BRD10: variants seen among roughly 807,000 people sequenced by gnomAD.
BRD10 encodes uncharacterized bromodomain-containing protein 10.
chr9:5,995,180 C>T, the BRD10 span, among the ~76,000 whole-genome samples: 9 of 152,312 alleles, frequency 5.9e-5, no homozygotes, highest in East Asian at 3.9e-4. Context: ...GGATTAGAGG[C>T]GTGAGCCACC....
the BRD10 span, among the ~76,000 whole-genome samples, chr9:5,993,156 T>C: frequency 1.3e-5 from 2 of 151,272 alleles, no homozygotes; most frequent in Admixed American, 6.6e-5. Flanking sequence ...TCTCTACTAA[T>C]AATAAAAAAT....
chr9:5,986,593 G>C, the BRD10 span, among the ~76,000 whole-genome samples: 1 of 152,264 alleles, frequency 6.6e-6, no homozygotes, highest in East Asian at 1.9e-4. Flanking sequence ...CAGTGTAAAA[G>C]CCTTCCTACT....
At chr9:5,914,727 C>A in the BRD10 span, among the ~76,000 whole-genome samples, 28,853 of 151,806 alleles carry the variant, frequency 0.19, 2,941 homozygotes, top group Middle Eastern at 0.3. Context: ...CTGGCCAAAT[C>A]TAGATGGTTT....
the BRD10 span, chr9:5,988,438 C>G: frequency 2.5e-6 from 4 of 1,613,930 alleles, no homozygotes; most frequent in Admixed American, 1.7e-5. Flanking sequence ...TGCCAAACTT[C>G]GCGGTGTTGA....
chr9:5,996,716 C>T, the BRD10 span, among the ~76,000 whole-genome samples: 1 of 152,150 alleles, frequency 6.6e-6, no homozygotes, highest in Non-Finnish European at 1.5e-5. Flanking sequence ...AAGGCAAATG[C>T]AAAGTTTTTA....
At chr9:5,914,967 A>C in the BRD10 span, among the ~76,000 whole-genome samples, 2 of 152,172 alleles carry the variant, frequency 1.3e-5, no homozygotes, top group Non-Finnish European at 2.9e-5. Flanking sequence ...GGTTTAATAA[A>C]GAGAACCCCG....
At chr9:5,900,999 G>A in the BRD10 span, among the ~76,000 whole-genome samples, 15 of 152,218 alleles carry the variant, frequency 9.9e-5, no homozygotes, top group African/African-American at 3.1e-4. Flanking sequence ...GGCAGATTCT[G>A]GGATCATCTC....
the BRD10 span, chr9:5,923,086 C>T: frequency 4.3e-6 from 7 of 1,613,864 alleles, no homozygotes; most frequent in African/African-American, 1.3e-5. Context: ...AACAGTCAAT[C>T]TGCACATCAC....
the BRD10 span, among the ~76,000 whole-genome samples, chr9:5,929,513 G>A: frequency 6.6e-6 from 1 of 152,142 alleles, no homozygotes. Flanking sequence ...GGTCATTTCA[G>A]TAAAGTTACT....
the BRD10 span, among the ~76,000 whole-genome samples, chr9:5,913,367 T>C: frequency 6.6e-6 from 1 of 152,198 alleles, no homozygotes; most frequent in East Asian, 1.9e-4. Flanking sequence ...AACAGTTACA[T>C]GATGATGCAT....
At chr9:6,008,019 G>C in the BRD10 span, 8 of 1,214,040 alleles carry the variant, frequency 6.6e-6, no homozygotes, top group Non-Finnish European at 8.2e-6. Context: ...GGAGAGCCTA[G>C]GTGCCCTCCT....
chr9:5,967,980 A>G, the BRD10 span: 2 of 1,260,476 alleles, frequency 1.6e-6, no homozygotes, highest in Non-Finnish European at 2.2e-6. Flanking sequence ...AATTTGAATT[A>G]TACTTAAATA....
chr9:5,984,339 G>A, the BRD10 span, among the ~76,000 whole-genome samples: 1 of 152,210 alleles, frequency 6.6e-6, no homozygotes. Flanking sequence ...AATGAAAAAT[G>A]GTATACAGAG....
the BRD10 span, among the ~76,000 whole-genome samples, chr9:5,933,129 G>A: frequency 6.6e-6 from 1 of 152,230 alleles, no homozygotes; most frequent in Non-Finnish European, 1.5e-5. Context: ...GCAGTGCTAT[G>A]ACTTTCTCTA....
At chr9:5,942,077 A>G in the BRD10 span, among the ~76,000 whole-genome samples, 1 of 152,256 alleles carries the variant, frequency 6.6e-6, no homozygotes, top group East Asian at 1.9e-4. Context: ...ATTATCATAG[A>G]TAATGAATGT....
the BRD10 span, among the ~76,000 whole-genome samples, chr9:5,981,590 C>T: frequency 6.6e-6 from 1 of 152,110 alleles, no homozygotes; most frequent in African/African-American, 2.4e-5. Context: ...ATCTATTTAT[C>T]ATCAATTAAT....
the BRD10 span, chr9:5,969,051 C>A: frequency 6.2e-7 from 1 of 1,612,722 alleles, no homozygotes; most frequent in Non-Finnish European, 8.5e-7. Flanking sequence ...AGTTTTTCAG[C>A]ACAGTTATCA....
chr9:5,879,034 C>T, the BRD10 span, among the ~76,000 whole-genome samples: 2 of 152,210 alleles, frequency 1.3e-5, no homozygotes, highest in Non-Finnish European at 2.9e-5. Context: ...TTACTCTCTG[C>T]TGTTGCCATC....
chr9:6,001,574 T>C, the BRD10 span, among the ~76,000 whole-genome samples: 1 of 152,224 alleles, frequency 6.6e-6, no homozygotes, highest in Admixed American at 6.5e-5. Flanking sequence ...TGTTTACCTA[T>C]CACCTTGAAG....
Sources: gnomAD v4.1 joint callset for allele counts (sites outside exome capture counted in the v4.1 genomes callset) on GRCh38, gnomAD v4.1.1 for gene constraint, MANE v1.5 for transcripts, NCBI Gene and HGNC (gene_info 2026-07-23, HGNC 2026-07-21) for gene names.